Variants in CRYBG1 observed in about 807,000 individuals in gnomAD.
CRYBG1 encodes the protein beta/gamma crystallin domain-containing protein 1.
In CRYBG1, 139 loss-of-function variants were observed where a neutral mutation model predicts 189.2. The observed-to-expected ratio is 0.73, with a 90% CI of 0.64 to 0.85. CRYBG1 has a LOEUF of 0.85. Among genes scored for constraint, CRYBG1 ranks in the 40% least tolerant of loss-of-function variants. The pLI, the probability that CRYBG1 is intolerant of heterozygous loss-of-function variation, is 0.00. For missense variants in CRYBG1, 2,611 were observed against 2,675.8 expected (o/e 0.98, Z 0.53); for synonymous variants, 1,023 against 1,017.1 (o/e 1.01, Z -0.11).
intron 16 of CRYBG1, among the ~76,000 whole-genome samples, chr6:106,555,343 T>C (rs1413762429): frequency 6.6e-6 from 1 of 151,896 alleles, no homozygotes; most frequent in African/African-American, 2.4e-5. Flanking sequence ...GAAATGAGGA[T>C]AGAGGAGTGT....
chr6:106,404,995 T>G (rs1770794981), intron 1 of CRYBG1, among the ~76,000 whole-genome samples: 4 of 152,032 alleles, frequency 2.6e-5, no homozygotes, highest in Non-Finnish European at 5.9e-5. Flanking sequence ...TTTTTTTTTT[T>G]TCATACCCCA....
chr6:106,523,690 C>T (rs2114545646), intron 4 of CRYBG1, among the ~76,000 whole-genome samples: 1 of 150,016 alleles, frequency 6.7e-6, no homozygotes, highest in Non-Finnish European at 1.5e-5. Flanking sequence ...TAGGTATATA[C>T]CATCTGGCTT....
chr6:106,454,782 A>C (rs1435078587), intron 2 of CRYBG1: 1 of 152,264 alleles, frequency 6.6e-6, no homozygotes, highest in Non-Finnish European at 1.5e-5. Flanking sequence ...AACATTTCTT[A>C]AAGTAGACAA....
chr6:106,473,216 TAGAG>T (rs989117026), intron 2 of CRYBG1, among the ~76,000 whole-genome samples: 8 of 152,246 alleles, frequency 5.3e-5, no homozygotes, highest in African/African-American at 1.9e-4. Context: ...ATACACAAAA[TAGAG>T]AGAATAGAAT....
intron 7 of CRYBG1, among the ~76,000 whole-genome samples, chr6:106,528,540 C>G (rs1773806209): frequency 6.6e-6 from 1 of 152,114 alleles, no homozygotes; most frequent in Non-Finnish European, 1.5e-5. Flanking sequence ...CCCTTCTCAC[C>G]TAACACTGTG....
rs970678240 is a variant in CRYBG1 at position 106,360,872 on chromosome 6, C to A, written c.-37C>A. ...ATAGGGCCCGGGCGGCAGAGAGGAC[C>A]GCGTCCCGGCAGTCGGAGCGGGAGG... is the stretch of plus-strand genomic sequence containing the variant. On this transcript the variant is annotated 5_prime_UTR_variant, in exon 1 of 22. Coordinates refer to ENST00000633556, the MANE Select transcript of CRYBG1 (RefSeq NM_001371242.2). The A allele has an allele frequency of 8.0e-6, 12 of 1,503,736 alleles. No individual in the cohort carries two copies. The highest frequency in any genetic ancestry group is 2.5e-5 in the East Asian group (1 of 39,616). 93.1% of individuals were successfully genotyped at this position (1,503,736 alleles called of 1,614,324 possible).
chr6:106,392,690 C>A (rs1770531051), intron 1 of CRYBG1, among the ~76,000 whole-genome samples: 1 of 152,184 alleles, frequency 6.6e-6, no homozygotes. Flanking sequence ...ACAATGAGAT[C>A]TTCCACGAAT....
chr6:106,497,733 G>GAAGATAAC (rs1772885563), intron 2 of CRYBG1, among the ~76,000 whole-genome samples: 1 of 152,212 alleles, frequency 6.6e-6, no homozygotes, highest in Non-Finnish European at 1.5e-5. Context: ...AATGTGAAAT[G>GAAGATAAC]AAGATAACAA....
intron 1 of CRYBG1, among the ~76,000 whole-genome samples, chr6:106,393,179 A>T (rs995231050): frequency 6.6e-6 from 1 of 152,224 alleles, no homozygotes; most frequent in Non-Finnish European, 1.5e-5. Context: ...CTAAATTGTA[A>T]ACATTGGGCT....
At chr6:106,398,243 G>T (rs943132500) in intron 1 of CRYBG1, among the ~76,000 whole-genome samples, 5 of 152,052 alleles carry the variant, frequency 3.3e-5, no homozygotes, top group Non-Finnish European at 1.5e-5. Flanking sequence ...GGCCAGGTAC[G>T]TTGGCTCACG....
At chr6:106,495,876 A>G (rs932228718) in intron 2 of CRYBG1, among the ~76,000 whole-genome samples, 6 of 151,404 alleles carry the variant, frequency 4.0e-5, no homozygotes, top group African/African-American at 1.2e-4. Flanking sequence ...TTTCAAAGGC[A>G]AAGTGATATT....
Position 106,520,714 on chromosome 6 carries a change from C to T in CRYBG1, c.3506C>T (p.Pro1169Leu). The T allele has an allele frequency of 1.2e-6, 2 of 1,614,086 alleles. No homozygotes were observed. Among genetic ancestry groups the T allele is most frequent in the Non-Finnish European group, 8.5e-7 (1 of 1,180,022 alleles). The change falls in exon 4 of 22, where the codon CCA (proline) becomes CTA (leucine). Residue 1169 changes from proline (P) to leucine (L), a missense_variant. Pro to Leu is a moderately conservative substitution (Grantham distance 98, BLOSUM62 -3). Coordinates refer to ENST00000633556, the MANE Select transcript of CRYBG1 (RefSeq NM_001371242.2). ...TTGGGGAAGAAGAAGGAAAGTCAGC[C>T]AGAAATGTCACCGGCTTTACATTTG... is the stretch of plus-strand genomic sequence containing the variant. ...FGLGKKKESQ[P>L]EMSPALHLMQ...
intron 2 of CRYBG1, among the ~76,000 whole-genome samples, chr6:106,482,524 C>T (rs916036995): frequency 6.6e-6 from 1 of 152,106 alleles, no homozygotes; most frequent in African/African-American, 2.4e-5. Context: ...GCCTATAATC[C>T]CAGCACTTTG....
At chr6:106,449,294 C>T (rs1377551253) in intron 1 of CRYBG1, 1 of 152,172 alleles carries the variant, frequency 6.6e-6, no homozygotes, top group Non-Finnish European at 1.5e-5. Flanking sequence ...TCAATGGGCA[C>T]ATATGTTTTT....
intron 2 of CRYBG1, among the ~76,000 whole-genome samples, chr6:106,480,739 A>C (rs949128010): frequency 3.3e-5 from 5 of 151,768 alleles, no homozygotes; most frequent in African/African-American, 1.2e-4. Flanking sequence ...TGGGAGGCTG[A>C]GGCGGGTGGA....
intron 1 of CRYBG1, among the ~76,000 whole-genome samples, chr6:106,411,977 T>C (rs905085326): frequency 6.6e-6 from 1 of 152,236 alleles, no homozygotes; most frequent in African/African-American, 2.4e-5. Flanking sequence ...GGCAGCCAAT[T>C]GGATGGTGTC....
chr6:106,563,993 T>C (rs1309453532), intron 21 of CRYBG1, 67 bp downstream of exon 21: 1 of 1,478,332 alleles, frequency 6.8e-7, no homozygotes, highest in Non-Finnish European at 9.3e-7. Flanking sequence ...AAAAATCTAT[T>C]CATAACTTTT....
intron 1 of CRYBG1, among the ~76,000 whole-genome samples, chr6:106,428,458 A>G (rs982599446): frequency 3.9e-5 from 6 of 152,082 alleles, no homozygotes; most frequent in Non-Finnish European, 5.9e-5. Flanking sequence ...AAGGCAGTAT[A>G]CTCATGTGAT....
chr6:106,409,033 C>G (rs569677487), intron 1 of CRYBG1, among the ~76,000 whole-genome samples: 26 of 149,846 alleles, frequency 1.7e-4, no homozygotes, highest in Admixed American at 1.7e-3. Context: ...GGTAATCAGG[C>G]AAGAGAAAGA....
Sources: gnomAD v4.1 joint callset for allele counts (sites outside exome capture counted in the v4.1 genomes callset) on GRCh38, gnomAD v4.1.1 for gene constraint, MANE v1.5 for transcripts, NCBI Gene and HGNC (gene_info 2026-07-23, HGNC 2026-07-21) for gene names.